The following HERC2 variants were observed in gnomAD, a reference collection of about 807,000 sequenced individuals.
The protein encoded by HERC2 is HECT and RLD domain containing E3 ubiquitin protein ligase 2.
A neutral mutation model predicts 537.7 loss-of-function variants in HERC2; 102 were observed. The ratio of observed to expected loss-of-function variants is 0.19; its 90% CI spans 0.16 to 0.22. The LOEUF is 0.22. HERC2 is among the 10% of genes least tolerant of loss of function. The probability of loss-of-function intolerance (pLI) is 1.00; values close to 1 mark genes in which losing one functional copy is unlikely to be tolerated. For synonymous variants in HERC2, 2,224 were observed against 2,466.2 expected (o/e 0.90, Z 2.91); for missense variants, 4,236 against 6,198.2 (o/e 0.68, Z 10.63).
chr15:28,301,743 A>G (rs1442834380), intron 2 of HERC2, among the ~76,000 whole-genome samples: 5,673 of 72,462 alleles, frequency 0.078, 522 homozygotes, highest in East Asian at 0.25. Context: ...GTGTATATAT[A>G]TATATATATA....
intron 85 of HERC2, among the ~76,000 whole-genome samples, chr15:28,121,809 G>A (rs1045577230): frequency 2.0e-5 from 3 of 152,246 alleles, no homozygotes; most frequent in Admixed American, 1.3e-4. Flanking sequence ...AAGCCCACCC[G>A]TGGCAGGGAT....
chr15:28,169,983 G>C (rs1387623535), intron 65 of HERC2, among the ~76,000 whole-genome samples: 2 of 152,144 alleles, frequency 1.3e-5, no homozygotes, highest in African/African-American at 2.4e-5. Flanking sequence ...ACCCCGGTAA[G>C]ACAAGACAAA....
intron 70 of HERC2, among the ~76,000 whole-genome samples, chr15:28,150,804 G>A (rs1892372663): frequency 6.6e-6 from 1 of 150,780 alleles, no homozygotes; most frequent in African/African-American, 2.4e-5. Context: ...TGACTTCTAA[G>A]GGGAAAAGAT....
At chr15:28,212,388 A>G in intron 43 of HERC2, 57 bp downstream of exon 43, 1 of 1,439,930 alleles carries the variant, frequency 6.9e-7, no homozygotes, top group Non-Finnish European at 9.7e-7. Flanking sequence ...AGAACACTGT[A>G]CAAACGACAC....
rs1410932468 is a variant in HERC2, at chr15:28,132,252, G to A, written c.12418C>T (p.Leu4140=). 1 of 1,609,326 alleles carries A rather than the reference G, an allele frequency of 6.2e-7. No individual in the cohort carries two copies. The highest frequency in any genetic ancestry group is 8.5e-7 in the Non-Finnish European group (1 of 1,176,694). Residue 4140 remains leucine, a synonymous_variant, in exon 81 of 93, where the codon CTG becomes TTG. Transcript: ENST00000261609. ...DQLKPKLVEA[L]QGHRVVDIAC... Reference sequence around the variant, plus strand: ...ATGTCAACCACACGGTGGCCCTGCAGCGCCTCCACCTTCAGAGAAAAGGGA... The same window carrying A: ...ATGTCAACCACACGGTGGCCCTGCAACGCCTCCACCTTCAGAGAAAAGGGA...
At chr15:28,172,236 A>G (rs888814210) in intron 65 of HERC2, among the ~76,000 whole-genome samples, 7 of 152,230 alleles carry the variant, frequency 4.6e-5, no homozygotes, top group African/African-American at 1.2e-4. Context: ...TGCAATCCAC[A>G]TCAAAATCCC....
At position 28,274,983 on chromosome 15, in the gene HERC2, C is replaced by A; in HGVS notation, c.565G>T (p.Val189Leu). The change falls in exon 6 of 93, where the codon GTG becomes TTG. Residue 189 changes from valine to leucine, a missense_variant. By Grantham distance (32) the Val-to-Leu change is conservative. Around this residue, in one of 27 missense-constraint regions of HERC2, gnomAD observed 491 missense variants for 559.3 expected, o/e 0.88. Coordinates refer to ENST00000261609, the MANE Select transcript of HERC2 (RefSeq NM_004667.6). Reference sequence around the variant, plus strand: ...GATCCCACTCTGGCGAGCCCCTCCACACCTTTGCCCGCAGGCCGGGAACTG... The same window carrying A: ...GATCCCACTCTGGCGAGCCCCTCCAAACCTTTGCCCGCAGGCCGGGAACTG... The part of the protein sequence containing the change: ...KKSSRPAGKG[V>L]EGLARVGSRA... The A allele has an allele frequency of 6.2e-7, 1 of 1,607,828 alleles. No individual in the cohort carries two copies. The highest frequency in any genetic ancestry group is 8.5e-7 in the Non-Finnish European group (1 of 1,179,816).
At chr15:28,320,710 G>C (rs542847828) in intron 2 of HERC2, among the ~76,000 whole-genome samples, 11 of 151,484 alleles carry the variant, frequency 7.3e-5, no homozygotes, top group Non-Finnish European at 1.3e-4. Context: ...CCAAATAAAA[G>C]TAGATTGGGT....
chr15:28,299,141 A>C (rs1344401937), intron 3 of HERC2, among the ~76,000 whole-genome samples: 1 of 152,062 alleles, frequency 6.6e-6, no homozygotes, highest in African/African-American at 2.4e-5. Context: ...GGCTTCCAAT[A>C]AGTGTGTAAT....
chr15:28,111,475 G>C lies in HERC2; in HGVS notation c.*288C>G, dbSNP rs1282400855. ...TTCATTTTGGGGATGCTGCAATTTG[G>C]TATTTATATAAACATTTACACACTT... On this transcript the variant is annotated 3_prime_UTR_variant, in exon 93 of 93. Coordinates refer to ENST00000261609, the MANE Select transcript of HERC2 (RefSeq NM_004667.6). 7.6e-6 allele frequency: 3 copies of C among 395,012 alleles called. No homozygotes were observed. Among genetic ancestry groups the C allele is most frequent in the Non-Finnish European group, 1.3e-5 (3 of 222,964 alleles). 24.5% of individuals were successfully genotyped at this position (395,012 alleles called of 1,614,324 possible).
intron 55 of HERC2, 50 bp from the exon 56 acceptor site, chr15:28,186,802 G>A (rs1264907486): frequency 7.2e-7 from 1 of 1,381,234 alleles, no homozygotes; most frequent in Non-Finnish European, 1.0e-6. Context: ...AAGCATATTA[G>A]ATCCTCTAAC....
At chr15:28,220,670 T>C (rs556059299) in intron 36 of HERC2, 26 bp from the exon 37 acceptor site, 1 of 1,597,270 alleles carries the variant, frequency 6.3e-7, no homozygotes, top group African/African-American at 1.3e-5. Context: ...TAGAGATCAG[T>C]TAGGAGGGTG....
At chr15:28,191,796 G>T (rs1361197675) in intron 53 of HERC2, among the ~76,000 whole-genome samples, 165 bp downstream of exon 53, 1 of 152,192 alleles carries the variant, frequency 6.6e-6, no homozygotes, top group Non-Finnish European at 1.5e-5. Context: ...AAATTGGATG[G>T]TATATAACTC....
rs532237400 is a variant in HERC2 at position 28,157,262 on chromosome 15, A to T, written c.10747-4432T>A. Among the ~76,000 whole-genome samples the T allele has an allele frequency of 3.9e-3, 595 of 152,330 alleles. 6 individuals are homozygous for T. Among genetic ancestry groups the T allele is most frequent in the African/African-American group, 0.014 (565 of 41,560 alleles). Reference sequence around the variant, plus strand: ...ATCAGGATGGTGCTGGCCTCATAAAATGAGTTAGGGAGGATTCCCTCTTTT... The same window carrying T: ...ATCAGGATGGTGCTGGCCTCATAAATTGAGTTAGGGAGGATTCCCTCTTTT... On this transcript the variant is annotated intron_variant, in intron 69 of 92. Transcript: ENST00000261609.
In HERC2 at chr15:28,252,367, C is replaced by T. The variant is rs187543527; in HGVS notation, c.3050+1973G>A. On this transcript the variant is annotated intron_variant, in intron 20 of 92. Coordinates refer to ENST00000261609, the MANE Select transcript of HERC2 (RefSeq NM_004667.6). ...GAACAAAGGACCCACAACAGGAACC[C>T]TAGACTCACCCCCTGCCAAAGACAC... Among the ~76,000 whole-genome samples the T allele has an allele frequency of 5.0e-4, 76 of 152,148 alleles. No homozygotes were observed. The East Asian group carries it at 0.01, about 20-fold the overall frequency.
At chr15:28,124,291 T>C (rs1889238135) in intron 84 of HERC2, 57 bp from the exon 85 acceptor site, 2 of 1,183,712 alleles carry the variant, frequency 1.7e-6, no homozygotes, top group East Asian at 5.5e-5. Flanking sequence ...CGGGGGCCAG[T>C]GTGGCATCCA....
chr15:28,302,068 G>C (rs1272822368), intron 2 of HERC2, among the ~76,000 whole-genome samples: 1 of 147,636 alleles, frequency 6.8e-6, no homozygotes, highest in Non-Finnish European at 1.5e-5. Context: ...AAAGAGCTGG[G>C]ATTACAGGCG....
chr15:28,223,594 C>T (rs1900759578), intron 35 of HERC2, among the ~76,000 whole-genome samples: 1 of 152,136 alleles, frequency 6.6e-6, no homozygotes, highest in African/African-American at 2.4e-5. Flanking sequence ...GGCAGCTATA[C>T]TGTTAACTCT....
chr15:28,231,185 T>C (rs574621618), intron 30 of HERC2, among the ~76,000 whole-genome samples: 23 of 152,222 alleles, frequency 1.5e-4, no homozygotes, highest in Non-Finnish European at 2.9e-4. Flanking sequence ...ATATAAAAAA[T>C]AAGCAACATG....
Sources: gnomAD v4.1 joint callset for allele counts (sites outside exome capture counted in the v4.1 genomes callset) on GRCh38, gnomAD v4.1.1 for gene constraint, gnomAD v4.1.1 regional missense constraint, MANE v1.5 for transcripts, NCBI Gene and HGNC (gene_info 2026-07-23, HGNC 2026-07-21) for gene names.